The following PDGFRA variants were observed in gnomAD, a reference collection of about 807,000 sequenced individuals.
PDGFRA encodes platelet derived growth factor receptor alpha.
Under a neutral mutation model 121.5 loss-of-function variants are expected in PDGFRA, and 25 were observed. That is an observed-to-expected ratio of 0.21 (90% CI 0.15 to 0.29). The LOEUF is 0.29. Ranked by LOEUF, PDGFRA falls within the 10% of genes least tolerant of loss-of-function variation. The pLI, the probability that PDGFRA is intolerant of heterozygous loss-of-function variation, is 1.00. For synonymous variants in PDGFRA, 463 were observed against 494.8 expected (o/e 0.94, Z 0.85); for missense variants, 1,008 against 1,345.1 (o/e 0.75, Z 3.92).
chr4:54,242,603 C>T (rs1386529385), intron 1 of PDGFRA, among the ~76,000 whole-genome samples: 1 of 151,118 alleles, frequency 6.6e-6, no homozygotes, highest in African/African-American at 2.4e-5. Flanking sequence ...ATTTAAAAGA[C>T]CTGTATGATT....
chr4:54,284,553 T>TGAGAGAGAGAGAGA (rs1446665217), intron 16 of PDGFRA, among the ~76,000 whole-genome samples: 6 of 72,886 alleles, frequency 8.2e-5, no homozygotes, highest in African/African-American at 2.8e-4. Context: ...CAGGAGCAAG[T>TGAGAGAGAGAGAGA]GAGAGAGAGA....
intron 16 of PDGFRA, among the ~76,000 whole-genome samples, chr4:54,284,755 T>C (rs1044848572): frequency 6.6e-6 from 1 of 151,876 alleles, no homozygotes; most frequent in Admixed American, 6.6e-5. Context: ...GGATTACACT[T>C]CAACATGAGA....
intron 18 of PDGFRA, among the ~76,000 whole-genome samples, chr4:54,286,995 G>A (rs1724394419): frequency 6.6e-6 from 1 of 152,138 alleles, no homozygotes; most frequent in Non-Finnish European, 1.5e-5. Flanking sequence ...TCCACCTAGA[G>A]AAAGACATGG....
rs1722706795 is a variant in PDGFRA, at chr4:54,261,379, C to T, written c.334C>T (p.Leu112Phe). ...YNHTQTEENE[L>F]EGRHIYIYVP... ...CCACACTCAGACAGAAGAGAATGAG[C>T]TTGAAGGCAGGCACATTTACATCTA... Residue 112 changes from leucine to phenylalanine, a missense_variant, in exon 3 of 23, where the codon CTT (leucine) becomes TTT (phenylalanine). Transcript: ENST00000257290. The T allele has an allele frequency of 6.2e-7, 1 of 1,614,088 alleles. No individual in the cohort carries two copies. Among genetic ancestry groups the T allele is most frequent in the East Asian group, 2.2e-5 (1 of 44,880 alleles).
chr4:54,240,084 C>T (rs778016997), intron 1 of PDGFRA: 2 of 408,006 alleles, frequency 4.9e-6, no homozygotes, highest in South Asian at 3.5e-5. Context: ...AACTCCTGGG[C>T]TCAAATGATC....
chr4:54,267,448 A>G lies in PDGFRA; in HGVS notation c.919A>G (p.Ile307Val), dbSNP rs371882159. The change falls in exon 6 of 23, where the codon ATT becomes GTT. Residue 307 changes from isoleucine (I) to valine (V), a missense_variant. By Grantham distance (29) the Ile-to-Val change is conservative. Coordinates refer to ENST00000257290, the MANE Select transcript of PDGFRA (RefSeq NM_006206.6). Reference protein sequence around the residue: ...REVKEMKKVTISVHEKGFIEI... With the variant: ...REVKEMKKVTVSVHEKGFIEI... ...GGTCAAAGAAATGAAGAAAGTCACT[A>G]TTTCTGTCCATGGTACATTCCGCTT... 1 of 1,614,052 alleles carries G rather than the reference A, an allele frequency of 6.2e-7. No homozygotes were observed. The highest frequency in any genetic ancestry group is 8.5e-7 in the Non-Finnish European group (1 of 1,179,990).
chr4:54,285,158 A>T (rs1356110618), intron 16 of PDGFRA, among the ~76,000 whole-genome samples: 1 of 151,580 alleles, frequency 6.6e-6, no homozygotes, highest in African/African-American at 2.4e-5. Flanking sequence ...GGCCTCCCAA[A>T]GTGCTGGGAT....
At chr4:54,277,120 C>CTCACACCAGGGAGGGCT (rs1723773689) in intron 12 of PDGFRA, 1 of 491,804 alleles carries the variant, frequency 2.0e-6, no homozygotes, top group African/African-American at 2.0e-5. Flanking sequence ...GTAGACAGCG[C>CTCACACCAGGGAGGGCT]GCTCACACCA....
Position 54,288,905 on chromosome 4 carries a change from T to C in PDGFRA, c.2774+7T>C, listed in dbSNP as rs2110345178. On this transcript the variant is annotated splice_region_variant and intron_variant, in intron 20 of 22. Transcript: ENST00000257290. ...ACCACGCTACCAGTGAAGTGTGAGC[T>C]CCTTCCCCATCCCGGGGGCCTGTGT... The C allele has an allele frequency of 1.3e-6, 2 of 1,590,276 alleles. No individual in the cohort carries two copies. The highest frequency in any genetic ancestry group is 8.6e-7 in the Non-Finnish European group (1 of 1,158,210).
chr4:54,242,260 AT>A (rs202106297), intron 1 of PDGFRA, among the ~76,000 whole-genome samples: 1 of 150,890 alleles, frequency 6.6e-6, no homozygotes, highest in Non-Finnish European at 1.5e-5. Flanking sequence ...TCTCACTTGA[AT>A]TTTTTTTTCT....
chr4:54,286,044 C>G (rs768015743), intron 18 of PDGFRA, 81 bp downstream of exon 18: 1 of 1,419,562 alleles, frequency 7.0e-7, no homozygotes, highest in South Asian at 1.1e-5. Flanking sequence ...TCTAGAGATT[C>G]GGTGCCTGTT....
intron 16 of PDGFRA, chr4:54,281,440 C>T (rs534483933): frequency 5.7e-5 from 23 of 405,294 alleles, no homozygotes; most frequent in South Asian, 1.3e-4. Context: ...TCCATTTCTG[C>T]GGTTCCAAGT....
intron 1 of PDGFRA, among the ~76,000 whole-genome samples, chr4:54,250,618 A>G (rs1048928101): frequency 6.6e-6 from 1 of 152,232 alleles, no homozygotes; most frequent in African/African-American, 2.4e-5. Flanking sequence ...AGTTAACCAA[A>G]TTTCTTTGTC....
intron 1 of PDGFRA, among the ~76,000 whole-genome samples, chr4:54,249,901 C>G (rs1721954302): frequency 6.6e-6 from 1 of 151,992 alleles, no homozygotes. Flanking sequence ...GAGCACTGAT[C>G]TACTCTGTAA....
At chr4:54,272,781 A>G (rs1385841686) in intron 9 of PDGFRA, among the ~76,000 whole-genome samples, 1 of 152,202 alleles carries the variant, frequency 6.6e-6, no homozygotes, top group Non-Finnish European at 1.5e-5. Flanking sequence ...CCTGGCTCAC[A>G]TATCTTATTT....
intron 21 of PDGFRA, among the ~76,000 whole-genome samples, chr4:54,289,871 G>T (rs1284606840): frequency 6.6e-6 from 1 of 152,328 alleles, no homozygotes; most frequent in South Asian, 2.1e-4. Context: ...AAATGTGTTG[G>T]TGGGAAGAGA....
At chr4:54,258,931 G>C in intron 2 of PDGFRA, 114 bp downstream of exon 2, 1 of 880,032 alleles carries the variant, frequency 1.1e-6, no homozygotes, top group Non-Finnish European at 1.9e-6. Flanking sequence ...AGAGTGAAAA[G>C]AAATAGAAAA....
At position 54,277,465 on chromosome 4, in the gene PDGFRA, A is replaced by G; in HGVS notation, c.1864A>G (p.Met622Val). ...TGGATTAAGCCGGTCCCAACCTGTC[A>G]TGAAAGTTGCAGTGAAGATGCTAAA... ...AYGLSRSQPV[M>V]KVAVKMLKPT... The change falls in exon 13 of 23, where the codon ATG becomes GTG. Residue 622 changes from methionine (M) to valine (V), a missense_variant. Around this residue, in one of 5 missense-constraint regions of PDGFRA, gnomAD observed 61 missense variants for 125.3 expected, o/e 0.49. Transcript: ENST00000257290. 6.2e-7 allele frequency: 1 copy of G among 1,613,848 alleles called. No homozygotes were observed. The highest frequency in any genetic ancestry group is 1.6e-4 in the Middle Eastern group (1 of 6,062).
At chr4:54,278,985 T>C (rs1007774514) in intron 15 of PDGFRA, 8 of 393,296 alleles carry the variant, frequency 2.0e-5, no homozygotes, top group African/African-American at 1.3e-4. Context: ...AGAAATTCTG[T>C]AAGATCAGAA....
Sources: allele counts gnomAD v4.1 joint callset (sites outside exome capture counted in the v4.1 genomes callset), GRCh38; gene constraint gnomAD v4.1.1; regional missense constraint gnomAD v4.1.1; transcripts MANE v1.5; gene names NCBI Gene and HGNC (gene_info 2026-07-23, HGNC 2026-07-21).